PRKCH: variants seen among roughly 807,000 people sequenced by gnomAD.
PRKCH encodes the protein protein kinase C eta.
PRKCH carries 28 observed loss-of-function variants against 82.5 expected under a neutral mutation model. The ratio of observed to expected loss-of-function variants is 0.34; its 90% CI spans 0.25 to 0.47. The LOEUF is 0.47. Among genes scored for constraint, PRKCH ranks in the 20% least tolerant of loss-of-function variants. The probability of loss-of-function intolerance (pLI) is 1.00; values close to 1 mark genes in which losing one functional copy is unlikely to be tolerated. For synonymous variants in PRKCH, 322 were observed against 327.4 expected (o/e 0.98, Z 0.18); for missense variants, 705 against 881.8 (o/e 0.80, Z 2.54).
At chr14:61,359,499 C>T (rs2046195307) in intron 1 of PRKCH, among the ~76,000 whole-genome samples, 1 of 152,236 alleles carries the variant, frequency 6.6e-6, no homozygotes, top group African/African-American at 2.4e-5. Flanking sequence ...TGCATAAGCA[C>T]TTCCCTGTTG....
chr14:61,476,871 A>C (rs1433653324), intron 9 of PRKCH, among the ~76,000 whole-genome samples: 1 of 152,170 alleles, frequency 6.6e-6, no homozygotes, highest in African/African-American at 2.4e-5. Context: ...GTTCAAAAAA[A>C]AAATGCAGCC....
chr14:61,226,221 G>A (rs1453280461), intron 1 of PRKCH, among the ~76,000 whole-genome samples: 10 of 152,160 alleles, frequency 6.6e-5, no homozygotes, highest in African/African-American at 2.2e-4. Flanking sequence ...GCCAGGCACT[G>A]TGTTAGTTAT....
intron 12 of PRKCH, among the ~76,000 whole-genome samples, chr14:61,536,080 A>G (rs1241114942): frequency 1.3e-5 from 2 of 152,242 alleles, no homozygotes; most frequent in Non-Finnish European, 2.9e-5. Context: ...ATATACAGAA[A>G]GAGCTAATGA....
chr14:61,504,784 C>T (rs190411032), intron 10 of PRKCH, among the ~76,000 whole-genome samples: 76 of 152,240 alleles, frequency 5.0e-4, no homozygotes, highest in African/African-American at 1.7e-3. Context: ...CTTTCCCTTA[C>T]GCCTCTTGTT....
chr14:61,529,566 T>C (rs1026623041), intron 11 of PRKCH, among the ~76,000 whole-genome samples: 7 of 151,934 alleles, frequency 4.6e-5, no homozygotes, highest in African/African-American at 1.5e-4. Context: ...CATGGAATAC[T>C]ATGCAGCCAT....
intron 2 of PRKCH, among the ~76,000 whole-genome samples, chr14:61,399,949 C>T (rs1043582852): frequency 2.0e-5 from 3 of 152,152 alleles, no homozygotes; most frequent in African/African-American, 7.2e-5. Context: ...TTATTTGAGA[C>T]ATTTAATATG....
intron 1 of PRKCH, among the ~76,000 whole-genome samples, chr14:61,189,502 ATCTCTCTC>A (rs34112120): frequency 6.8e-6 from 1 of 146,980 alleles, no homozygotes; most frequent in African/African-American, 2.5e-5. Context: ...CTGAAATGTT[ATCTCTCTC>A]TCTCTCTCTC....
At chr14:61,370,507 A>G (rs2046352110) in intron 1 of PRKCH, among the ~76,000 whole-genome samples, 1 of 152,014 alleles carries the variant, frequency 6.6e-6, no homozygotes, top group South Asian at 2.1e-4. Flanking sequence ...GGGTAGAAAA[A>G]TGAAAGGCCC....
At chr14:61,301,043 C>G (rs938228605) in intron 1 of PRKCH, among the ~76,000 whole-genome samples, 2 of 152,150 alleles carry the variant, frequency 1.3e-5, no homozygotes, top group African/African-American at 2.4e-5. Context: ...ACCATGGGAC[C>G]GGAAGACCCA....
At chr14:61,313,603 C>A (rs2140111186) in intron 1 of PRKCH, among the ~76,000 whole-genome samples, 1 of 152,162 alleles carries the variant, frequency 6.6e-6, no homozygotes, top group South Asian at 2.1e-4. Context: ...TAAAGACATA[C>A]CCGAGACTGG....
chr14:61,526,822 T>C (rs934915358), intron 10 of PRKCH, among the ~76,000 whole-genome samples: 1 of 152,222 alleles, frequency 6.6e-6, no homozygotes, highest in African/African-American at 2.4e-5. Context: ...CATGGCAGCC[T>C]CCCACAATGG....
intron 10 of PRKCH, among the ~76,000 whole-genome samples, chr14:61,523,365 G>T (rs1463597165): frequency 6.6e-6 from 1 of 152,184 alleles, no homozygotes; most frequent in African/African-American, 2.4e-5. Context: ...CCCTCAGGTG[G>T]TTCTTGTTTC....
chr14:61,542,934 C>T (rs1371519422), intron 12 of PRKCH, among the ~76,000 whole-genome samples: 11 of 152,168 alleles, frequency 7.2e-5, no homozygotes, highest in African/African-American at 2.4e-4. Flanking sequence ...AGGCGCTTTA[C>T]GTTAATTCTC....
At chr14:61,492,151 T>G (rs1886474442) in intron 10 of PRKCH, 1 of 152,002 alleles carries the variant, frequency 6.6e-6, no homozygotes, top group South Asian at 2.1e-4. Flanking sequence ...CTGGCTGGAG[T>G]CTAGGAAGCG....
intron 2 of PRKCH, among the ~76,000 whole-genome samples, chr14:61,401,955 C>G (rs764725514): frequency 6.6e-6 from 1 of 152,192 alleles, no homozygotes; most frequent in Non-Finnish European, 1.5e-5. Flanking sequence ...GAATGAACTG[C>G]GCCTGTTACT....
chr14:61,262,056 C>T (rs2045050566), intron 1 of PRKCH, among the ~76,000 whole-genome samples: 1 of 151,760 alleles, frequency 6.6e-6, no homozygotes, highest in Non-Finnish European at 1.5e-5. Flanking sequence ...CCCATCTCTA[C>T]TAAAAATACA....
At position 61,285,629 on chromosome 14, in the gene PRKCH, A is replaced by G. The variant is rs77564916; in HGVS notation, c.-19+97961A>G. On this transcript the variant is annotated intron_variant, in intron 1 of 3. Coordinates refer to the PRKCH transcript ENST00000555185. ...CTTACAGTCACTGCGTAAACACTTT[A>G]TATACATTGTCCCATCTAATTTGTA... is the stretch of plus-strand genomic sequence containing the variant. Among the ~76,000 whole-genome samples, 80 of 152,308 alleles carry G rather than the reference A, an allele frequency of 5.3e-4. 2 individuals carry two copies. The East Asian group carries it at 0.015, about 29-fold the overall frequency.
chr14:61,549,993 C>A lies in PRKCH; in HGVS notation c.*162C>A. The A allele has an allele frequency of 1.4e-6, 1 of 707,672 alleles. No homozygotes were observed. Among genetic ancestry groups the A allele is most frequent in the Non-Finnish European group, 2.3e-6 (1 of 441,698 alleles). The allele number at this position is 707,672 out of a possible 1,614,324, so 43.8% of individuals were successfully genotyped here. A position where few individuals can be genotyped will look rare whatever the true frequency, so the allele number is the denominator to read the frequency against. ...GAAGGATGGAACTTTCAGATATCAA[C>A]TATTTAGAGTCCAGAGGGAGCCATG... On this transcript the variant is annotated 3_prime_UTR_variant, in exon 14 of 14. Transcript: ENST00000332981.
intron 1 of PRKCH, among the ~76,000 whole-genome samples, chr14:61,384,662 A>C (rs1403086140): frequency 6.6e-6 from 1 of 151,924 alleles, no homozygotes; most frequent in Non-Finnish European, 1.5e-5. Flanking sequence ...TGGCTCTTTG[A>C]GGAAGGGGTT....
Sources: gnomAD v4.1 joint callset for allele counts (sites outside exome capture counted in the v4.1 genomes callset) on GRCh38, gnomAD v4.1.1 for gene constraint, MANE v1.5 for transcripts, NCBI Gene and HGNC (gene_info 2026-07-23, HGNC 2026-07-21) for gene names.